Variants in IL23R observed in about 807,000 individuals in gnomAD.
IL23R encodes the protein interleukin 23 receptor, also known as interleukin-23 receptor.
Under a neutral mutation model 56.9 loss-of-function variants are expected in IL23R, and 34 were observed. The observed-to-expected ratio is 0.60, with a 90% confidence interval of 0.45 to 0.80. The LOEUF (loss-of-function observed/expected upper bound fraction) is 0.80. IL23R is among the 30% of genes least tolerant of loss of function. The pLI, the probability that IL23R is intolerant of heterozygous loss-of-function variation, is 0.00. For synonymous variants in IL23R, 230 were observed against 249.2 expected, an observed-to-expected ratio of 0.92 and a Z score of 0.73; for missense variants, 635 against 730.0, an observed-to-expected ratio of 0.87 and a Z score of 1.50.
intron 7 of IL23R, among the ~76,000 whole-genome samples, chr1:67,229,675 C>T (rs897592429): frequency 3.3e-5 from 5 of 152,186 alleles, no homozygotes; most frequent in Admixed American, 2.6e-4. Context: ...CGTTAGCATA[C>T]AAAATGACCG....
chr1:67,227,954 CTTTCTTTCTTTCTT>C (rs1380976951), intron 7 of IL23R, among the ~76,000 whole-genome samples: 747 of 59,332 alleles, frequency 0.013, 215 homozygotes, highest in African/African-American at 0.027. Flanking sequence ...TTCTTTCTTT[CTTTCTTTCTTTCTT>C]TCTTTCTTTC....
At chr1:67,204,641 G>C (rs1328859714) in intron 5 of IL23R, among the ~76,000 whole-genome samples, 1 of 152,108 alleles carries the variant, frequency 6.6e-6, no homozygotes, top group African/African-American at 2.4e-5. Flanking sequence ...TGGCCAAGCC[G>C]AACTCAGAGG....
intron 4 of IL23R, among the ~76,000 whole-genome samples, chr1:67,188,304 G>A (rs890150451): frequency 6.6e-5 from 10 of 151,614 alleles, no homozygotes; most frequent in Admixed American, 5.9e-4. Context: ...GAGCAAAGGA[G>A]TTCCTCCTGT....
At chr1:67,245,665 G>C in intron 9 of IL23R, among the ~76,000 whole-genome samples, 1 of 152,210 alleles carries the variant, frequency 6.6e-6, no homozygotes, top group Admixed American at 6.5e-5. Flanking sequence ...AAGCCAGCTT[G>C]ATTGTGGTGG....
chr1:67,214,164 C>G (rs1214750997), intron 6 of IL23R, among the ~76,000 whole-genome samples: 1 of 152,164 alleles, frequency 6.6e-6, no homozygotes, highest in Non-Finnish European at 1.5e-5. Context: ...CGGGGCAATA[C>G]AGTGAGACCC....
At chr1:67,230,070 C>T (rs1335795227) in intron 7 of IL23R, among the ~76,000 whole-genome samples, 1 of 152,204 alleles carries the variant, frequency 6.6e-6, no homozygotes, top group African/African-American at 2.4e-5. Context: ...CTGGCGAGGA[C>T]CCTGCAGCTG....
intron 3 of IL23R, among the ~76,000 whole-genome samples, chr1:67,171,957 T>G (rs1212736665): frequency 6.6e-6 from 1 of 152,212 alleles, no homozygotes; most frequent in Non-Finnish European, 1.5e-5. Context: ...CAGGACAGCC[T>G]AATAGAAATA....
intron 3 of IL23R, among the ~76,000 whole-genome samples, chr1:67,169,885 A>C (rs961002397): frequency 2.6e-5 from 4 of 152,204 alleles, no homozygotes; most frequent in Admixed American, 2.6e-4. Context: ...TCAAAGGAAG[A>C]CAGAAACATA....
chr1:67,155,170 G>T (rs1646760930), intron 1 of IL23R, among the ~76,000 whole-genome samples: 1 of 152,194 alleles, frequency 6.6e-6, no homozygotes, highest in South Asian at 2.1e-4. Flanking sequence ...CTGTTAGTCT[G>T]ATGGGCTTCC....
At chr1:67,180,854 T>G (rs575968886) in intron 3 of IL23R, among the ~76,000 whole-genome samples, 18 of 152,312 alleles carry the variant, frequency 1.2e-4, no homozygotes, top group Admixed American at 4.6e-4. Context: ...GTCTGTAAAG[T>G]ATTTTATTTC....
chr1:67,228,189 T>TCCTC (rs1650858119), intron 7 of IL23R, among the ~76,000 whole-genome samples: 1 of 142,756 alleles, frequency 7.0e-6, no homozygotes, highest in Non-Finnish European at 1.5e-5. Flanking sequence ...CTTCCTTCCT[T>TCCTC]CCTTCCTTCC....
chr1:67,215,396 T>G (rs1649767977), intron 6 of IL23R, among the ~76,000 whole-genome samples: 1 of 152,224 alleles, frequency 6.6e-6, no homozygotes. Context: ...CTCCTCTACA[T>G]GTCTCCTGGT....
intron 3 of IL23R, among the ~76,000 whole-genome samples, chr1:67,177,351 C>T (rs1437751138): frequency 6.6e-6 from 1 of 152,132 alleles, no homozygotes; most frequent in African/African-American, 2.4e-5. Flanking sequence ...TTTTGATTTG[C>T]ATTTCTCTGA....
chr1:67,233,195 CAAAAAAAAAAAA>C (rs34125353), intron 7 of IL23R, among the ~76,000 whole-genome samples: 3 of 53,650 alleles, frequency 5.6e-5, no homozygotes, highest in African/African-American at 1.6e-4. Flanking sequence ...CTAAAAATTC[CAAAAAAAAAAAA>C]AAAAAAAAAA....
At chr1:67,169,301 A>C (rs1646912896) in intron 2 of IL23R, 41 bp from the exon 3 acceptor site, 1 of 1,413,456 alleles carries the variant, frequency 7.1e-7, no homozygotes, top group African/African-American at 1.4e-5. Flanking sequence ...TCTTGATTTA[A>C]TGTTTTACGT....
chr1:67,252,703 G>C (rs938177662), intron 9 of IL23R, among the ~76,000 whole-genome samples: 13 of 151,338 alleles, frequency 8.6e-5, no homozygotes, highest in African/African-American at 3.2e-4. Context: ...CAATTTAAAG[G>C]AGTTTAATTG....
intron 4 of IL23R, among the ~76,000 whole-genome samples, chr1:67,191,094 T>C (rs1263485328): frequency 6.6e-6 from 1 of 152,186 alleles, no homozygotes; most frequent in African/African-American, 2.4e-5. Flanking sequence ...GATACTGCTT[T>C]ATATTCATGA....
intron 9 of IL23R, among the ~76,000 whole-genome samples, chr1:67,248,956 C>A (rs1183764790): frequency 6.6e-6 from 1 of 151,994 alleles, no homozygotes; most frequent in Non-Finnish European, 1.5e-5. Flanking sequence ...TGAGACGATG[C>A]CCCACCCTGC....
chr1:67,205,134 T>C (rs747312041), intron 5 of IL23R, among the ~76,000 whole-genome samples: 1 of 152,190 alleles, frequency 6.6e-6, no homozygotes, highest in Non-Finnish European at 1.5e-5. Flanking sequence ...AAATCAGCTA[T>C]GGAATTCAGA....
Sources: allele counts gnomAD v4.1 joint callset (sites outside exome capture counted in the v4.1 genomes callset), GRCh38; gene constraint gnomAD v4.1.1; transcripts MANE v1.5; gene names NCBI Gene and HGNC (gene_info 2026-07-23, HGNC 2026-07-21).